IQSEC1: variants seen among roughly 807,000 people sequenced by gnomAD.
The protein encoded by IQSEC1 is IQ motif and Sec7 domain ArfGEF 1.
IQSEC1 carries 31 observed loss-of-function variants against 91.0 expected under a neutral mutation model. The ratio of observed to expected loss-of-function variants is 0.34; its 90% CI spans 0.26 to 0.46. IQSEC1 has a LOEUF of 0.46. Among genes scored for constraint, IQSEC1 ranks in the 20% least tolerant of loss-of-function variants. The probability of loss-of-function intolerance (pLI) is 1.00; values close to 1 mark genes in which losing one functional copy is unlikely to be tolerated. For missense variants in IQSEC1, 1,388 were observed against 1,575.6 expected, an observed-to-expected ratio of 0.88 and a Z score of 2.02; for synonymous variants, 699 against 662.6, an observed-to-expected ratio of 1.05 and a Z score of -0.84.
Position 13,171,056 on chromosome 3 carries a change from C to T in IQSEC1, c.273-6923G>A, listed in dbSNP as rs960936151. 7.3e-5 allele frequency among the ~76,000 whole-genome samples: 11 copies of T among 151,528 alleles called. 1 individual carries two copies. The highest frequency in any genetic ancestry group is 4.1e-4 in the South Asian group (2 of 4,822). On this transcript the variant is annotated intron_variant, in intron 1 of 15. Coordinates refer to the IQSEC1 transcript ENST00000648114. ...CGGAGGTTGCAGAGACTGGAGACTG[C>T]GCCAATGCACTCCAGCCTGGCAACA...
At chr3:13,131,478 CTTTTTTTTTTTTTTT>C (rs61345195) in intron 2 of IQSEC1, among the ~76,000 whole-genome samples, 1 of 81,710 alleles carries the variant, frequency 1.2e-5, no homozygotes, top group Non-Finnish European at 2.3e-5. Flanking sequence ...AAATCTATGT[CTTTTTTTTTTTTTTT>C]TTTTTTTTTT....
chr3:13,121,184 C>G (rs947668961), intron 2 of IQSEC1, among the ~76,000 whole-genome samples: 6 of 152,234 alleles, frequency 3.9e-5, no homozygotes, highest in African/African-American at 1.4e-4. Flanking sequence ...TGCAGCCATG[C>G]CTGCACCTCT....
At chr3:12,949,479 T>G (rs1559662498) in intron 1 of IQSEC1, among the ~76,000 whole-genome samples, 1 of 152,256 alleles carries the variant, frequency 6.6e-6, no homozygotes. Flanking sequence ...AACAGCCTCC[T>G]GAAGTACGTA....
chr3:12,999,635 T>G (rs2125657166), intron 1 of IQSEC1, among the ~76,000 whole-genome samples: 1 of 152,254 alleles, frequency 6.6e-6, no homozygotes, highest in East Asian at 1.9e-4. Flanking sequence ...AGCCTTGGCC[T>G]CCGTCCCGCC....
chr3:13,109,500 C>G lies in IQSEC1; in HGVS notation c.302+54604G>C, dbSNP rs142278634. ...GTGATATTTGTCCCCACCCAAATCT[C>G]ATGTTGAAATGTCATCCCCAATGCT... On this transcript the variant is annotated intron_variant, in intron 2 of 15. Coordinates refer to the IQSEC1 transcript ENST00000648114. 2.0e-5 allele frequency among the ~76,000 whole-genome samples: 3 copies of G among 152,166 alleles called. No homozygotes were observed. The South Asian group carries it at 6.2e-4, about 32-fold the overall frequency.
rs529843720 is a variant in IQSEC1, at chr3:13,146,153, A to AT, written c.302+17950dup. On this transcript the variant is annotated intron_variant, in intron 2 of 15. Coordinates refer to the IQSEC1 transcript ENST00000648114. ...CAGGCATGTACCACCACACTCAGCT[A>AT]TTTTTTTTTTTTTTTAAGAAATGGG... Among the ~76,000 whole-genome samples the AT allele has an allele frequency of 5.1e-3, 702 of 137,642 alleles. 7 individuals are homozygous for AT. The highest frequency in any genetic ancestry group is 0.028 in the South Asian group (121 of 4,302). The allele number at this position is 137,642 out of a possible 152,430, so 90.3% of individuals were successfully genotyped here.
chr3:13,227,393 A>AAAAAAAAG (rs1055638536), intron 1 of IQSEC1, among the ~76,000 whole-genome samples: 252 of 140,654 alleles, frequency 1.8e-3, no homozygotes, highest in African/African-American at 4.5e-3. Context: ...AAAAAAAAAA[A>AAAAAAAAG]AAAGAAAGAA....
At chr3:13,152,864 C>A (rs1024240299) in intron 2 of IQSEC1, among the ~76,000 whole-genome samples, 1 of 152,022 alleles carries the variant, frequency 6.6e-6, no homozygotes, top group Non-Finnish European at 1.5e-5. Context: ...AGCAAGACTC[C>A]GTCTCAAAAC....
intron 1 of IQSEC1, among the ~76,000 whole-genome samples, chr3:13,235,527 C>T (rs1694913102): frequency 6.6e-6 from 1 of 152,092 alleles, no homozygotes; most frequent in Admixed American, 6.5e-5. Flanking sequence ...AGCACCTCAG[C>T]AGGAGGGGGA....
At position 12,915,218 on chromosome 3, in the gene IQSEC1, C is replaced by T. The variant is rs1023314303; in HGVS notation, c.2161-85G>A. The stretch of plus-strand genomic sequence containing the variant: ...AATGCTGCAAGTGCCCCTCCCTACA[C>T]CTACCCTTGGGATCCACCCAGCCAG... On this transcript the variant is annotated intron_variant, in intron 7 of 13. Transcript: ENST00000613206. 2.8e-5 allele frequency: 40 copies of T among 1,414,298 alleles called. No individual in the cohort carries two copies. In the African/African-American group the frequency reaches 3.4e-4, roughly 12 times the overall value. The allele number at this position is 1,414,298 out of a possible 1,614,324, so 87.6% of individuals were successfully genotyped here. A position where few individuals can be genotyped will look rare whatever the true frequency, so the allele number is the denominator to read the frequency against.
In IQSEC1 at chr3:12,899,985, A is replaced by T; in HGVS notation, c.*998T>A. 1.0e-6 allele frequency: 1 copy of T among 985,354 alleles called. No individual in the cohort carries two copies. Among genetic ancestry groups the T allele is most frequent in the Non-Finnish European group, 1.2e-6 (1 of 829,908 alleles). The allele number at this position is 985,354 out of a possible 1,614,324, so 61.0% of individuals were successfully genotyped here. ...CATAAAAGAAACATGGATCATGGAG[A>T]GTCACAGTTATCGCAGCCATTAAAG... On this transcript the variant is annotated 3_prime_UTR_variant, in exon 14 of 14. Transcript: ENST00000613206.
intron 1 of IQSEC1, among the ~76,000 whole-genome samples, chr3:13,170,856 T>C (rs11926763): frequency 0.036 from 5,438 of 152,120 alleles, 324 homozygotes; most frequent in African/African-American, 0.12. Flanking sequence ...TCCCAGCACT[T>C]TGGGAGGCCG....
chr3:12,965,034 T>G (rs548812905), intron 1 of IQSEC1, among the ~76,000 whole-genome samples: 1 of 152,194 alleles, frequency 6.6e-6, no homozygotes, highest in Admixed American at 6.5e-5. Flanking sequence ...CTGAAAATCC[T>G]AGCAGGGCTA....
At chr3:12,931,191 A>G (rs1014198918) in intron 3 of IQSEC1, among the ~76,000 whole-genome samples, 13 of 152,138 alleles carry the variant, frequency 8.5e-5, no homozygotes, top group South Asian at 2.1e-4. Flanking sequence ...CAGCCACCTC[A>G]GACCCAGGCC....
At chr3:13,243,050 TC>T (rs1695046765) in intron 1 of IQSEC1, among the ~76,000 whole-genome samples, 1 of 152,092 alleles carries the variant, frequency 6.6e-6, no homozygotes, top group South Asian at 2.1e-4. Flanking sequence ...AAGTTAGGCT[TC>T]AGAATTGTCC....
intron 1 of IQSEC1, among the ~76,000 whole-genome samples, chr3:13,063,171 T>C (rs1705126553): frequency 6.6e-6 from 1 of 152,188 alleles, no homozygotes; most frequent in South Asian, 2.1e-4. Flanking sequence ...ACGCCCAGCC[T>C]GGCTTCCCCA....
intron 1 of IQSEC1, among the ~76,000 whole-genome samples, chr3:13,277,004 C>T (rs1180006699): frequency 6.7e-6 from 1 of 150,278 alleles, no homozygotes; most frequent in East Asian, 2.0e-4. Context: ...GCCTGGCTGG[C>T]CTGTGTTGTT....
chr3:12,912,959 C>G (rs1295689432), intron 9 of IQSEC1, among the ~76,000 whole-genome samples: 1 of 152,244 alleles, frequency 6.6e-6, no homozygotes, highest in Non-Finnish European at 1.5e-5. Context: ...AATCAGAAAG[C>G]ACTGCACCTG....
chr3:13,113,950 C>T (rs1706294819), intron 2 of IQSEC1, among the ~76,000 whole-genome samples: 1 of 152,262 alleles, frequency 6.6e-6, no homozygotes, highest in African/African-American at 2.4e-5. Context: ...TCAAAACGTG[C>T]TGGGAGCACA....
Sources: gnomAD v4.1 joint callset for allele counts (sites outside exome capture counted in the v4.1 genomes callset) on GRCh38, gnomAD v4.1.1 for gene constraint, MANE v1.5 for transcripts, NCBI Gene and HGNC (gene_info 2026-07-23, HGNC 2026-07-21) for gene names.